ROBO2: variants seen among roughly 807,000 people sequenced by gnomAD.
ROBO2 encodes roundabout guidance receptor 2.
A neutral mutation model predicts 160.8 loss-of-function variants in ROBO2; 53 were observed. The ratio of observed to expected loss-of-function variants is 0.33; its 90% CI spans 0.26 to 0.41. ROBO2 has a LOEUF of 0.41. Ranked by LOEUF, ROBO2 falls within the 10% of genes least tolerant of loss-of-function variation. The pLI, the probability that ROBO2 is intolerant of heterozygous loss-of-function variation, is 1.00. For synonymous variants in ROBO2, 664 were observed against 611.7 expected (o/e 1.09, Z -1.26); for missense variants, 1,577 against 1,722.4 (o/e 0.92, Z 1.49).
At chr3:77,029,405 G>A (rs1335895424) in intron 2 of ROBO2, among the ~76,000 whole-genome samples, 1 of 152,114 alleles carries the variant, frequency 6.6e-6, no homozygotes, top group African/African-American at 2.4e-5. Context: ...ATTGGAATCT[G>A]GCTAATTCTT....
intron 2 of ROBO2, among the ~76,000 whole-genome samples, chr3:76,172,344 T>C (rs1034594799): frequency 6.7e-6 from 1 of 149,848 alleles, no homozygotes; most frequent in African/African-American, 2.5e-5. Context: ...GATGAGTTAA[T>C]GGGTGCAGCG....
intron 2 of ROBO2, among the ~76,000 whole-genome samples, chr3:76,754,125 A>C (rs1210852288): frequency 6.6e-6 from 1 of 151,910 alleles, no homozygotes; most frequent in Admixed American, 6.6e-5. Flanking sequence ...CAGGAAGGAG[A>C]AAGAAAATAT....
intron 25 of ROBO2, among the ~76,000 whole-genome samples, chr3:77,645,490 T>C (rs538748592): frequency 1.1e-4 from 16 of 152,240 alleles, no homozygotes; most frequent in Non-Finnish European, 1.8e-4. Flanking sequence ...ATTAAGAATG[T>C]CACAGCAAAA....
At chr3:76,196,666 GGAAAAACTGGCAAAGTTCAAGCAGGTTTT>G (rs1702276956) in intron 2 of ROBO2, among the ~76,000 whole-genome samples, 1 of 151,944 alleles carries the variant, frequency 6.6e-6, no homozygotes. Flanking sequence ...AATTCTGTAA[GGAAAAACTGGCAAAGTTCAAGCAGGTTTT>G]GAAAATTGGA....
At chr3:76,355,829 A>C (rs1365693126) in intron 2 of ROBO2, among the ~76,000 whole-genome samples, 1 of 151,756 alleles carries the variant, frequency 6.6e-6, no homozygotes, top group Non-Finnish European at 1.5e-5. Flanking sequence ...AACATTATTC[A>C]GAGGTTTACT....
chr3:77,348,175 G>A (rs2067886331), intron 2 of ROBO2, among the ~76,000 whole-genome samples: 1 of 152,138 alleles, frequency 6.6e-6, no homozygotes, highest in Non-Finnish European at 1.5e-5. Flanking sequence ...ATACAGTGAA[G>A]TGAAAACAAG....
intron 4 of ROBO2, among the ~76,000 whole-genome samples, chr3:77,483,518 A>T (rs542875286): frequency 6.6e-6 from 1 of 151,746 alleles, no homozygotes; most frequent in Non-Finnish European, 1.5e-5. Flanking sequence ...AGTAAAACTG[A>T]TTGTACTTCA....
chr3:77,040,878 G>A (rs1292614851), intron 1 of ROBO2, 32 bp downstream of exon 1: 5 of 1,610,878 alleles, frequency 3.1e-6, no homozygotes, highest in African/African-American at 2.7e-5. Context: ...CTTTTTTTGC[G>A]CCCCCCACCC....
chr3:76,233,203 G>A (rs1438160732), intron 2 of ROBO2, among the ~76,000 whole-genome samples: 1 of 151,706 alleles, frequency 6.6e-6, no homozygotes, highest in East Asian at 1.9e-4. Flanking sequence ...AGAATGCAGT[G>A]GCTTGATCTC....
chr3:77,240,508 C>T (rs951014260), intron 2 of ROBO2, among the ~76,000 whole-genome samples: 15 of 152,304 alleles, frequency 9.8e-5, no homozygotes, highest in Admixed American at 2.0e-4. Context: ...GCTCCAGCCT[C>T]GGCCAGCCCA....
chr3:77,312,017 C>A (rs191627658), intron 2 of ROBO2, among the ~76,000 whole-genome samples: 1 of 151,844 alleles, frequency 6.6e-6, no homozygotes, highest in Middle Eastern at 3.2e-3. Context: ...ACCTGGGAGG[C>A]GGAGGTTGCA....
chr3:76,124,824 C>T (rs897203783), intron 2 of ROBO2, among the ~76,000 whole-genome samples: 4 of 152,054 alleles, frequency 2.6e-5, no homozygotes, highest in African/African-American at 4.8e-5. Context: ...CCAATCCAAA[C>T]ATAGCAACAT....
rs111490996 is a variant in ROBO2, at chr3:77,493,454, A to G, written c.806+72A>G. The G allele has an allele frequency of 5.6e-3, 8,509 of 1,507,732 alleles. 51 individuals carry two copies. The highest frequency in any genetic ancestry group is 6.3e-3 in the Non-Finnish European group (6,890 of 1,088,720). The allele number at this position is 1,507,732 out of a possible 1,614,324, so 93.4% of individuals were successfully genotyped here. A position where few individuals can be genotyped will look rare whatever the true frequency, so the allele number is the denominator to read the frequency against. On this transcript the variant is annotated intron_variant, in intron 5 of 25. Coordinates refer to ENST00000461745, the Ensembl canonical transcript of ROBO2. ...ATTAGAAAATAAAAGGACAGCTACA[A>G]TGCCACCACCAAACACTCCTATGTC...
intron 2 of ROBO2, among the ~76,000 whole-genome samples, chr3:76,860,927 T>G (rs576602274): frequency 6.6e-6 from 1 of 152,118 alleles, no homozygotes; most frequent in East Asian, 1.9e-4. Context: ...GTGTGTTTGA[T>G]AAAAGGAAAG....
At chr3:76,017,879 T>G (rs1292225340) in intron 2 of ROBO2, among the ~76,000 whole-genome samples, 1 of 152,106 alleles carries the variant, frequency 6.6e-6, no homozygotes, top group Non-Finnish European at 1.5e-5. Flanking sequence ...CACTCTTCCG[T>G]TTTTATAGAA....
chr3:76,634,892 C>T (rs1008731286), intron 2 of ROBO2, among the ~76,000 whole-genome samples: 11 of 152,232 alleles, frequency 7.2e-5, no homozygotes, highest in African/African-American at 2.2e-4. Context: ...AGATCAGTGG[C>T]GGCATTGGAT....
chr3:76,677,930 A>G (rs943368876), intron 2 of ROBO2, among the ~76,000 whole-genome samples: 9 of 58,486 alleles, frequency 1.5e-4, no homozygotes, highest in African/African-American at 5.9e-4. Context: ...TATAGGATCT[A>G]TTTTCTCTCA....
At chr3:77,212,483 G>A (rs184075900) in intron 2 of ROBO2, among the ~76,000 whole-genome samples, 17 of 152,230 alleles carry the variant, frequency 1.1e-4, no homozygotes, top group Admixed American at 3.3e-4. Flanking sequence ...GGGCTGAGAC[G>A]ATGGGGTTTT....
intron 2 of ROBO2, among the ~76,000 whole-genome samples, chr3:77,274,831 A>G (rs950464780): frequency 6.6e-6 from 1 of 152,134 alleles, no homozygotes; most frequent in African/African-American, 2.4e-5. Flanking sequence ...AAAGAGATGT[A>G]ACATAGTCCA....
Sources: allele counts gnomAD v4.1 joint callset (sites outside exome capture counted in the v4.1 genomes callset), GRCh38; gene constraint gnomAD v4.1.1; transcripts MANE v1.5; gene names NCBI Gene and HGNC (gene_info 2026-07-23, HGNC 2026-07-21).